CKAP5: variants seen among roughly 807,000 people sequenced by gnomAD.
CKAP5 encodes cytoskeleton associated protein 5, also known as cytoskeleton-associated protein 5.
In CKAP5, 27 loss-of-function variants were observed where a neutral mutation model predicts 232.8. The observed-to-expected ratio is 0.12, with a 90% CI of 0.09 to 0.16. CKAP5 has a LOEUF of 0.16. Among genes scored for constraint, CKAP5 ranks in the 10% least tolerant of loss-of-function variants. The pLI is 1.00. For synonymous variants in CKAP5, 785 were observed against 841.1 expected, an observed-to-expected ratio of 0.93 and a Z score of 1.16; for missense variants, 1,838 against 2,424.7, an observed-to-expected ratio of 0.76 and a Z score of 5.08.
rs577400599 is a variant in CKAP5, at chr11:46,841,097, C to T, written c.-38+5123G>A. Reference sequence around the variant, plus strand: ...CAGCCTGGCCAAAATGGAGAAACCCCGTCTCTACTAAAAATACAAAAAATT... The same window carrying T: ...CAGCCTGGCCAAAATGGAGAAACCCTGTCTCTACTAAAAATACAAAAAATT... On this transcript the variant is annotated intron_variant, in intron 1 of 43. Coordinates refer to ENST00000529230, the MANE Select transcript of CKAP5 (RefSeq NM_001008938.4). Among the ~76,000 whole-genome samples, 20 of 152,104 alleles carry T rather than the reference C, an allele frequency of 1.3e-4. No homozygotes were observed. In the East Asian group the frequency reaches 2.9e-3, roughly 22 times the overall value.
intron 1 of CKAP5, among the ~76,000 whole-genome samples, chr11:46,822,891 C>T (rs1174275952): frequency 1.3e-5 from 2 of 151,996 alleles, no homozygotes. Flanking sequence ...AACCTTTATA[C>T]ATATTCTTTA....
chr11:46,760,522 A>C, intron 33 of CKAP5, 90 bp downstream of exon 33: 1 of 1,271,616 alleles, frequency 7.9e-7, no homozygotes, highest in Non-Finnish European at 1.1e-6. Flanking sequence ...AATGGCTACA[A>C]GAACTCAAGA....
intron 8 of CKAP5, among the ~76,000 whole-genome samples, chr11:46,803,380 C>T (rs1480157223): frequency 1.3e-5 from 2 of 151,920 alleles, no homozygotes; most frequent in Non-Finnish European, 2.9e-5. Flanking sequence ...GCGATCTTCC[C>T]ACCTCAGCCT....
chr11:46,832,888 T>C (rs1187987778), intron 1 of CKAP5, among the ~76,000 whole-genome samples: 3 of 152,014 alleles, frequency 2.0e-5, no homozygotes, highest in Non-Finnish European at 4.4e-5. Context: ...ACCCAGGAGG[T>C]TGAAACTATA....
intron 35 of CKAP5, among the ~76,000 whole-genome samples, chr11:46,755,370 C>T (rs529705626): frequency 1.9e-4 from 29 of 152,052 alleles, no homozygotes; most frequent in Middle Eastern, 3.4e-3. Context: ...CCTGCCACCA[C>T]GCCAATTTTT....
chr11:46,762,428 A>G, intron 31 of CKAP5, 199 bp downstream of exon 31: 1 of 867,046 alleles, frequency 1.2e-6, no homozygotes, highest in Non-Finnish European at 2.0e-6. Flanking sequence ...TTTTGTCACC[A>G]GGGTGATACT....
At position 46,784,545 on chromosome 11, in the gene CKAP5, T is replaced by C. The variant is rs373099642; in HGVS notation, c.2097A>G (p.Ala699=). 6.2e-7 allele frequency: 1 copy of C among 1,614,098 alleles called. No individual in the cohort carries two copies. The highest frequency in any genetic ancestry group is 8.5e-7 in the Non-Finnish European group (1 of 1,180,036). ...KIGDVKCGNN[A]KEAMTAIAEA... is the part of the protein sequence containing the mutation. ...CGGCTATTGCTGTCATAGCTTCTTT[T>C]GCATTGTTCCCACATTTCACATCTC... Residue 699 remains alanine (A), a synonymous_variant, in exon 17 of 44, where the codon GCA becomes GCG. Transcript: ENST00000529230.
At chr11:46,762,560 A>G (rs747089826) in intron 31 of CKAP5, 67 bp downstream of exon 31, 2 of 1,575,224 alleles carry the variant, frequency 1.3e-6, no homozygotes, top group Non-Finnish European at 1.7e-6. Flanking sequence ...TTGTTCATCT[A>G]TAAACTATTT....
At chr11:46,774,152 C>A (rs2065271967) in intron 24 of CKAP5, among the ~76,000 whole-genome samples, 1 of 152,174 alleles carries the variant, frequency 6.6e-6, no homozygotes. Context: ...ACTCCTTAAA[C>A]TGATAAGCAA....
At chr11:46,817,801 G>C (rs765027107) in intron 3 of CKAP5, among the ~76,000 whole-genome samples, 1 of 152,076 alleles carries the variant, frequency 6.6e-6, no homozygotes, top group Non-Finnish European at 1.5e-5. Flanking sequence ...AAACTGGCCA[G>C]GAGTCACTGA....
In CKAP5 at chr11:46,754,949, T is replaced by C. The variant is rs1167653021; in HGVS notation, c.4808A>G (p.Glu1603Gly). ...RLIYNTHMAD[E>G]KLEKDEIIKL... is the part of the protein sequence containing the mutation. Reference sequence around the variant, plus strand: ...GATGATCTCGTCCTTCTCCAATTTCTCATCTGCCATGTGTGTGTTGTAGAT... The same window carrying C: ...GATGATCTCGTCCTTCTCCAATTTCCCATCTGCCATGTGTGTGTTGTAGAT... The change falls in exon 36 of 44, where the codon GAG (glutamate) becomes GGG (glycine). Residue 1603 changes from glutamate (E) to glycine (G), a missense_variant. Around this residue, in one of 6 missense-constraint regions of CKAP5, gnomAD observed 579 missense variants for 843.2 expected, o/e 0.69. Transcript: ENST00000529230. 6.2e-7 allele frequency: 1 copy of C among 1,613,850 alleles called. No individual in the cohort carries two copies. Among genetic ancestry groups the C allele is most frequent in the Non-Finnish European group, 8.5e-7 (1 of 1,179,942 alleles).
chr11:46,790,053 C>T, intron 15 of CKAP5, 23 bp downstream of exon 15: 2 of 1,473,842 alleles, frequency 1.4e-6, no homozygotes, highest in Non-Finnish European at 9.4e-7. Flanking sequence ...TTCTTTCACA[C>T]TCAATTCTTC....
At chr11:46,769,234 A>G (rs1485089356) in intron 26 of CKAP5, among the ~76,000 whole-genome samples, 2 of 152,246 alleles carry the variant, frequency 1.3e-5, no homozygotes, top group Non-Finnish European at 2.9e-5. Context: ...TGGAATTTTA[A>G]TATCAGGATA....
At chr11:46,753,681 G>A (rs1290754833) in intron 36 of CKAP5, among the ~76,000 whole-genome samples, 184 bp from the exon 37 acceptor site, 2 of 151,890 alleles carry the variant, frequency 1.3e-5, no homozygotes, top group Admixed American at 6.6e-5. Context: ...CTGCCTCCCC[G>A]GTTCATGCCA....
intron 2 of CKAP5, among the ~76,000 whole-genome samples, chr11:46,818,721 G>C (rs1470820135): frequency 6.6e-6 from 1 of 152,076 alleles, no homozygotes; most frequent in African/African-American, 2.4e-5. Context: ...TAGTGTTTAT[G>C]ATACTCTGCC....
chr11:46,789,402 TGATAAAGGGGAGAAAAAGTACTG>T (rs768348315), intron 15 of CKAP5, among the ~76,000 whole-genome samples: 46 of 152,254 alleles, frequency 3.0e-4, no homozygotes, highest in Non-Finnish European at 5.9e-4. Context: ...GGAATCATGA[TGATAAAGGGGAGAAAAAGTACTG>T]GATGAGGGGT....
rs113119035 is a variant in CKAP5 at position 46,784,872 on chromosome 11, G to C, written c.1969-199C>G. Among the ~76,000 whole-genome samples the C allele has an allele frequency of 2.8e-3, 421 of 152,228 alleles. 2 individuals carry two copies. The highest frequency in any genetic ancestry group is 9.6e-3 in the African/African-American group (399 of 41,550). Reference sequence around the variant, plus strand: ...CCAATTACTTAACTGACAGTGAAGAGAGGGAAAAAAAGCTACTCAGTGTTC... The same window carrying C: ...CCAATTACTTAACTGACAGTGAAGACAGGGAAAAAAAGCTACTCAGTGTTC... On this transcript the variant is annotated intron_variant, in intron 16 of 43. Coordinates refer to ENST00000529230, the MANE Select transcript of CKAP5 (RefSeq NM_001008938.4).
At chr11:46,772,886 C>T (rs751887184) in intron 24 of CKAP5, among the ~76,000 whole-genome samples, 4 of 151,918 alleles carry the variant, frequency 2.6e-5, no homozygotes, top group Non-Finnish European at 5.9e-5. Context: ...GGACTACAGG[C>T]GCATGCCACC....
Position 46,769,107 on chromosome 11 carries a change from G to A in CKAP5, c.3322+856C>T, listed in dbSNP as rs188287941. On this transcript the variant is annotated intron_variant, in intron 26 of 43. Coordinates refer to ENST00000529230, the MANE Select transcript of CKAP5 (RefSeq NM_001008938.4). ...GCTAATTTTTGTATTTTTAGTAGAG[G>A]TGGGGTTTCTCCATGTTGGCCAGGC... Among the ~76,000 whole-genome samples the A allele has an allele frequency of 5.7e-4, 87 of 151,980 alleles. No homozygotes were observed. In the Middle Eastern group the frequency reaches 0.02, roughly 36 times the overall value.
Sources: gnomAD v4.1 joint callset for allele counts (sites outside exome capture counted in the v4.1 genomes callset) on GRCh38, gnomAD v4.1.1 for gene constraint, gnomAD v4.1.1 regional missense constraint, MANE v1.5 for transcripts, NCBI Gene and HGNC (gene_info 2026-07-23, HGNC 2026-07-21) for gene names.